Variants in GPR137B observed in about 807,000 individuals in gnomAD.
GPR137B encodes G protein-coupled receptor 137B.
In GPR137B, 42 loss-of-function variants were observed where a neutral mutation model predicts 42.5. The observed-to-expected ratio is 0.99, with a 90% confidence interval of 0.77 to 1.28. The LOEUF (loss-of-function observed/expected upper bound fraction) is 1.28. GPR137B is among the 50% of genes most tolerant of loss of function. GPR137B has a pLI of 0.00. For missense variants in GPR137B, 487 were observed against 493.9 expected, an observed-to-expected ratio of 0.99 and a Z score of 0.13; for synonymous variants, 218 against 209.7, an observed-to-expected ratio of 1.04 and a Z score of -0.34.
chr1:236,143,916 GTCA>G (rs1482920342), intron 1 of GPR137B, among the ~76,000 whole-genome samples: 3 of 152,232 alleles, frequency 2.0e-5, no homozygotes, highest in African/African-American at 7.2e-5. Context: ...CGTCATCATC[GTCA>G]TCATCATCTC....
rs1032607686 is a variant in GPR137B at position 236,143,131 on chromosome 1, C to G, written c.414+95C>G. On this transcript the variant is annotated intron_variant, in intron 1 of 6. Transcript: ENST00000366592. ...GGCGATGGCAGCCGCGGGGGCGGGT[C>G]CGGCCCTAGGGCTGAGAGTGTAGGG... 1.6e-4 allele frequency: 171 copies of G among 1,101,522 alleles called. 1 individual carries two copies. Among genetic ancestry groups the G allele is most frequent in the Non-Finnish European group, 1.8e-5 (14 of 762,584 alleles). The allele number at this position is 1,101,522 out of a possible 1,614,324, so 68.2% of individuals were successfully genotyped here. A position where few individuals can be genotyped will look rare whatever the true frequency, so the allele number is the denominator to read the frequency against.
chr1:236,207,139 A>C, intron 6 of GPR137B: 1 of 985,224 alleles, frequency 1.0e-6, no homozygotes, highest in South Asian at 4.7e-5. Flanking sequence ...TTAGGGACAG[A>C]AGTACTGAAG....
intron 1 of GPR137B, among the ~76,000 whole-genome samples, chr1:236,153,026 A>G (rs1661914043): frequency 6.6e-6 from 1 of 151,726 alleles, no homozygotes; most frequent in Admixed American, 6.6e-5. Flanking sequence ...ACTGCACTCC[A>G]GGCTGGGAGA....
chr1:236,154,617 T>C (rs996486635), intron 1 of GPR137B, among the ~76,000 whole-genome samples: 4 of 122,100 alleles, frequency 3.3e-5, no homozygotes, highest in African/African-American at 6.3e-5. Flanking sequence ...ACACAGGGAG[T>C]GTCATTTAAT....
intron 5 of GPR137B, among the ~76,000 whole-genome samples, chr1:236,202,030 C>T (rs564011943): frequency 6.6e-6 from 1 of 152,110 alleles, no homozygotes; most frequent in East Asian, 1.9e-4. Flanking sequence ...TTGGTCTAGT[C>T]ACCCAGCAGG....
intron 3 of GPR137B, among the ~76,000 whole-genome samples, 167 bp from the exon 4 acceptor site, chr1:236,179,712 A>G (rs1227268627): frequency 1.3e-5 from 2 of 152,202 alleles, no homozygotes; most frequent in Admixed American, 6.5e-5. Context: ...GACACTTGAA[A>G]TTGTAGGAAG....
intron 1 of GPR137B, among the ~76,000 whole-genome samples, chr1:236,147,646 G>A (rs1661716642): frequency 6.6e-6 from 1 of 152,152 alleles, no homozygotes; most frequent in Non-Finnish European, 1.5e-5. Flanking sequence ...CACCCTCCAA[G>A]TGCCTGGTGC....
intron 6 of GPR137B, 117 bp from the exon 7 acceptor site, chr1:236,207,933 G>T: frequency 1.4e-6 from 1 of 691,844 alleles, no homozygotes; most frequent in Non-Finnish European, 2.4e-6. Flanking sequence ...CCATTTAAAA[G>T]AACTTTAGAG....
At position 236,156,114 on chromosome 1, in the gene GPR137B, A is replaced by G. The variant is rs997947245; in HGVS notation, c.415-12592A>G. Reference sequence around the variant, plus strand: ...ACACATCCAGGGAGCTCCGAGGTCTATGGAAATCCAGAGAAGCAATTATGG... The same window carrying G: ...ACACATCCAGGGAGCTCCGAGGTCTGTGGAAATCCAGAGAAGCAATTATGG... On this transcript the variant is annotated intron_variant, in intron 1 of 6. Coordinates refer to ENST00000366592, the MANE Select transcript of GPR137B (RefSeq NM_003272.4). This position sits in a 1 kb window ranked among gnomAD's most constrained non-coding sequence, Gnocchi z 4.8. 4.6e-5 allele frequency among the ~76,000 whole-genome samples: 7 copies of G among 152,212 alleles called. No individual in the cohort carries two copies. The highest frequency in any genetic ancestry group is 4.1e-4 in the South Asian group (2 of 4,830).
intron 1 of GPR137B, among the ~76,000 whole-genome samples, chr1:236,147,503 C>T (rs1367076846): frequency 1.3e-5 from 2 of 152,252 alleles, no homozygotes; most frequent in African/African-American, 4.8e-5. Flanking sequence ...GGCCCCTCCA[C>T]TCCCACTTGG....
At chr1:236,169,320 T>C (rs1397409021) in intron 2 of GPR137B, among the ~76,000 whole-genome samples, 1 of 152,204 alleles carries the variant, frequency 6.6e-6, no homozygotes, top group Non-Finnish European at 1.5e-5. Context: ...TCTCAGCTGC[T>C]GGTAGGCTCC....
intron 4 of GPR137B, among the ~76,000 whole-genome samples, chr1:236,183,022 T>C (rs1444646536): frequency 6.6e-6 from 1 of 152,142 alleles, no homozygotes; most frequent in Non-Finnish European, 1.5e-5. Flanking sequence ...AGTATGATGT[T>C]ATAGAGAAGG....
intron 5 of GPR137B, among the ~76,000 whole-genome samples, chr1:236,184,338 A>G (rs1322802614): frequency 6.6e-6 from 1 of 152,214 alleles, no homozygotes; most frequent in African/African-American, 2.4e-5. Flanking sequence ...ATGGGAGGAT[A>G]GGGCAATAAG....
intron 1 of GPR137B, among the ~76,000 whole-genome samples, chr1:236,167,877 A>G (rs567729832): frequency 6.6e-6 from 1 of 152,286 alleles, no homozygotes; most frequent in African/African-American, 2.4e-5. Context: ...ACCTTCTCGA[A>G]GGCTCTGCCA....
chr1:236,151,665 G>T (rs998328530), intron 1 of GPR137B, among the ~76,000 whole-genome samples: 1 of 151,890 alleles, frequency 6.6e-6, no homozygotes, highest in Non-Finnish European at 1.5e-5. Flanking sequence ...CTCATGATCC[G>T]CCTGCCTCGG....
chr1:236,163,372 T>C (rs1170991540), intron 1 of GPR137B, among the ~76,000 whole-genome samples: 5 of 152,182 alleles, frequency 3.3e-5, no homozygotes, highest in Admixed American at 2.0e-4. Flanking sequence ...TGTGGACTTT[T>C]GGGTTAATGC....
Position 236,208,043 on chromosome 1 carries a change from T to C in GPR137B, c.1092-7T>C. On this transcript the variant is annotated splice_region_variant and splice_polypyrimidine_tract_variant and intron_variant, in intron 6 of 6. Transcript: ENST00000366592. ...TCAAGTCACTGAAATATTTTTTTCTTTTTAAGTTTTGCTCCAGATTACTAT... is the reference window on the plus strand; with the variant it reads ...TCAAGTCACTGAAATATTTTTTTCTCTTTAAGTTTTGCTCCAGATTACTAT... The C allele has an allele frequency of 6.2e-7, 1 of 1,603,628 alleles. No individual in the cohort carries two copies. Among genetic ancestry groups the C allele is most frequent in the Non-Finnish European group, 8.5e-7 (1 of 1,170,998 alleles).
In GPR137B at chr1:236,167,500, T is replaced by C. The variant is rs545662843; in HGVS notation, c.415-1206T>C. The stretch of plus-strand genomic sequence containing the variant: ...GAGTACAGTGGTACAGTGGTGGTTG[T>C]CAGGGGCTGGGGGATGAGGGGTGCG... On this transcript the variant is annotated intron_variant, in intron 1 of 6. Transcript: ENST00000366592. Among the ~76,000 whole-genome samples, 10 of 152,234 alleles carry C rather than the reference T, an allele frequency of 6.6e-5. No individual in the cohort carries two copies. The South Asian group carries it at 1.9e-3, about 28-fold the overall frequency.
chr1:236,198,947 G>A (rs1417704804), intron 5 of GPR137B, among the ~76,000 whole-genome samples: 1 of 152,112 alleles, frequency 6.6e-6, no homozygotes, highest in Non-Finnish European at 1.5e-5. Context: ...GAATAGAAGT[G>A]GTGAAAGAGG....
Sources: allele counts gnomAD v4.1 joint callset (sites outside exome capture counted in the v4.1 genomes callset), GRCh38; gene constraint gnomAD v4.1.1; non-coding constraint Gnocchi (gnomAD v3.1); transcripts MANE v1.5; gene names NCBI Gene and HGNC (gene_info 2026-07-23, HGNC 2026-07-21).